MED13L: variants seen among roughly 807,000 people sequenced by gnomAD.
MED13L encodes mediator complex subunit 13L.
Under a neutral mutation model 220.9 loss-of-function variants are expected in MED13L, and 7 were observed. That is an observed-to-expected ratio of 0.03 (90% CI 0.02 to 0.06). The LOEUF (loss-of-function observed/expected upper bound fraction) is 0.06, where lower values mean the gene tolerates loss of function less well. Among genes scored for constraint, MED13L ranks in the 10% least tolerant of loss-of-function variants. The pLI, the probability that MED13L is intolerant of heterozygous loss-of-function variation, is 1.00. For missense variants in MED13L, 1,965 were observed against 2,760.5 expected, an observed-to-expected ratio of 0.71 and a Z score of 6.46; for synonymous variants, 1,011 against 1,015.2, an observed-to-expected ratio of 1.00 and a Z score of 0.08.
rs189527927 is a variant in MED13L, at chr12:116,038,207, G to A, written c.480-15606C>T. 1.5e-3 allele frequency among the ~76,000 whole-genome samples: 226 copies of A among 149,546 alleles called. 1 individual carries two copies. Among genetic ancestry groups the A allele is most frequent in the African/African-American group, 4.7e-3 (192 of 40,538 alleles). ...TTTTTAAATATAAAACCTTTCATCC[G>A]TTTTGGAGGTTACTTTAAAGATAGG... On this transcript the variant is annotated intron_variant, in intron 4 of 30. Coordinates refer to ENST00000281928, the MANE Select transcript of MED13L (RefSeq NM_015335.5).
At chr12:116,124,123 C>CAGAGAGAGA (rs1555213726) in intron 2 of MED13L, among the ~76,000 whole-genome samples, 1 of 133,516 alleles carries the variant, frequency 7.5e-6, no homozygotes, top group African/African-American at 2.7e-5. Context: ...GAGAGAAAGA[C>CAGAGAGAGA]GAGAGAGAGA....
At chr12:116,108,797 A>C (rs928182524) in intron 3 of MED13L, among the ~76,000 whole-genome samples, 5 of 152,248 alleles carry the variant, frequency 3.3e-5, no homozygotes, top group East Asian at 1.9e-4. Flanking sequence ...ATTTGAAAGA[A>C]TACAAATCAA....
Position 116,116,789 on chromosome 12 carries a change from T to C in MED13L, c.311-5277A>G, listed in dbSNP as rs140481075. 7.2e-5 allele frequency among the ~76,000 whole-genome samples: 11 copies of C among 151,760 alleles called. No individual in the cohort carries two copies. The East Asian group carries it at 2.0e-3, about 28-fold the overall frequency. ...TGGTGTCCCCTGCAAAACTGATTAATTACCTGATGTAGGGGAAACACCTGC... is the reference window on the plus strand; with the variant it reads ...TGGTGTCCCCTGCAAAACTGATTAACTACCTGATGTAGGGGAAACACCTGC... On this transcript the variant is annotated intron_variant, in intron 2 of 30. Coordinates refer to ENST00000281928, the MANE Select transcript of MED13L (RefSeq NM_015335.5).
chr12:116,277,021 T>TGCC, intron 1 of MED13L, 39 bp downstream of exon 1: 2 of 1,118,928 alleles, frequency 1.8e-6, no homozygotes, highest in Non-Finnish European at 2.6e-6. Context: ...CCCCCCCCCT[T>TGCC]CCCCGGCACA....
chr12:116,173,063 TTATTTTAG>T lies in MED13L; in HGVS notation c.311-61559_311-61552del, dbSNP rs528868045. ...TAACAGATCAGAAAATACACCTTGC[TTATTTTAG>T]GATACAAGTGCATGGCACACTAGAA... On this transcript the variant is annotated intron_variant, in intron 2 of 30. Transcript: ENST00000281928. 1.8e-4 allele frequency among the ~76,000 whole-genome samples: 27 copies of T among 151,790 alleles called. 1 individual carries two copies. The South Asian group carries it at 4.6e-3, about 26-fold the overall frequency.
intron 2 of MED13L, among the ~76,000 whole-genome samples, chr12:116,134,682 C>G (rs1027697661): frequency 2.0e-5 from 3 of 151,898 alleles, no homozygotes; most frequent in Non-Finnish European, 2.9e-5. Flanking sequence ...GCAATTAAGT[C>G]TTTTACCTTA....
chr12:116,005,666 C>T (rs1879003839), intron 13 of MED13L, among the ~76,000 whole-genome samples: 1 of 152,114 alleles, frequency 6.6e-6, no homozygotes, highest in Admixed American at 6.5e-5. Flanking sequence ...ACACTAATAA[C>T]CTTTACAATC....
At chr12:116,270,937 G>A (rs1873257859) in intron 1 of MED13L, among the ~76,000 whole-genome samples, 1 of 150,414 alleles carries the variant, frequency 6.6e-6, no homozygotes, top group African/African-American at 2.4e-5. Flanking sequence ...AGCTACTCGG[G>A]AGGCTGAGGC....
At chr12:116,237,368 G>A (rs1870184289) in intron 2 of MED13L, 100 bp downstream of exon 2, 4 of 963,514 alleles carry the variant, frequency 4.2e-6, no homozygotes, top group Non-Finnish European at 6.6e-6. Context: ...AAACACTTAA[G>A]ATCGTTCTTT....
chr12:116,046,063 A>G (rs962112548), intron 4 of MED13L, among the ~76,000 whole-genome samples: 1 of 152,188 alleles, frequency 6.6e-6, no homozygotes, highest in Non-Finnish European at 1.5e-5. Context: ...TATAAAGCCA[A>G]TATTAAAATG....
At chr12:116,111,168 T>C (rs1354579868) in intron 3 of MED13L, among the ~76,000 whole-genome samples, 1 of 152,134 alleles carries the variant, frequency 6.6e-6, no homozygotes, top group Non-Finnish European at 1.5e-5. Context: ...TTTACAAATA[T>C]GCAAATGATT....
At chr12:116,187,431 A>G (rs1880970315) in intron 2 of MED13L, among the ~76,000 whole-genome samples, 1 of 152,224 alleles carries the variant, frequency 6.6e-6, no homozygotes. Flanking sequence ...GTCAGTGTCT[A>G]TCATTGTCAT....
intron 4 of MED13L, among the ~76,000 whole-genome samples, chr12:116,061,701 A>G (rs1185968355): frequency 6.6e-6 from 1 of 152,172 alleles, no homozygotes; most frequent in Non-Finnish European, 1.5e-5. Flanking sequence ...GCATGTTACA[A>G]AACATATCAG....
intron 2 of MED13L, among the ~76,000 whole-genome samples, chr12:116,182,157 C>CT (rs1157508695): frequency 6.6e-6 from 1 of 152,148 alleles, no homozygotes; most frequent in Non-Finnish European, 1.5e-5. Flanking sequence ...CCTCTCTCAT[C>CT]TAAATCCAAC....
chr12:115,983,980 G>A (rs1877513101), intron 20 of MED13L, among the ~76,000 whole-genome samples, 200 bp downstream of exon 20: 1 of 152,136 alleles, frequency 6.6e-6, no homozygotes, highest in Non-Finnish European at 1.5e-5. Context: ...ACATGATTAG[G>A]CAACTTTGAA....
chr12:116,089,505 G>A (rs1872001901), intron 4 of MED13L, among the ~76,000 whole-genome samples: 2 of 152,170 alleles, frequency 1.3e-5, no homozygotes, highest in Non-Finnish European at 2.9e-5. Flanking sequence ...TTTAGGATTA[G>A]TAATAGAGGT....
At chr12:116,154,388 C>T (rs1478112893) in intron 2 of MED13L, among the ~76,000 whole-genome samples, 1 of 152,156 alleles carries the variant, frequency 6.6e-6, no homozygotes, top group Non-Finnish European at 1.5e-5. Flanking sequence ...GTGGCACTAA[C>T]AATGAAAACA....
At chr12:116,056,627 T>C (rs1868996054) in intron 4 of MED13L, among the ~76,000 whole-genome samples, 1 of 152,252 alleles carries the variant, frequency 6.6e-6, no homozygotes, top group African/African-American at 2.4e-5. Flanking sequence ...TTCCAACTAC[T>C]GCTGGTGATA....
chr12:116,114,594 G>C (rs895620512), intron 2 of MED13L, among the ~76,000 whole-genome samples: 8 of 152,134 alleles, frequency 5.3e-5, no homozygotes, highest in Non-Finnish European at 8.8e-5. Context: ...AAGGATGTCT[G>C]CTCTCACTAC....
Sources: gnomAD v4.1 joint callset for allele counts (sites outside exome capture counted in the v4.1 genomes callset) on GRCh38, gnomAD v4.1.1 for gene constraint, MANE v1.5 for transcripts, NCBI Gene and HGNC (gene_info 2026-07-23, HGNC 2026-07-21) for gene names.